Variants in KCNMA1 observed in about 807,000 individuals in gnomAD.
KCNMA1 encodes Calcium-activated potassium channel subunit alpha-1.
Under a neutral mutation model 140.0 loss-of-function variants are expected in KCNMA1, and 29 were observed. The ratio of observed to expected loss-of-function variants is 0.21; its 90% CI spans 0.15 to 0.28. The LOEUF (loss-of-function observed/expected upper bound fraction) is 0.28. Ranked by LOEUF, KCNMA1 falls within the 10% of genes least tolerant of loss-of-function variation. The pLI is 1.00. For synonymous variants in KCNMA1, 612 were observed against 611.9 expected, an observed-to-expected ratio of 1.00 and a Z score of 0.00; for missense variants, 880 against 1,602.2, an observed-to-expected ratio of 0.55 and a Z score of 7.70.
At position 77,086,847 on chromosome 10, in the gene KCNMA1, T is replaced by C. The variant is rs12354965; in HGVS notation, c.1335-254A>G. On this transcript the variant is annotated intron_variant, in intron 10 of 27. Transcript: ENST00000286628. ...AGGAAGGCCAAGACCTCAGGACAAA[T>C]GTCTTCTCTTCGGTATGAATGGAAT... is the stretch of plus-strand genomic sequence containing the variant. Among the ~76,000 whole-genome samples the C allele has an allele frequency of 0.13, 19,783 of 152,192 alleles. 1,472 individuals are homozygous for C. The highest frequency in any genetic ancestry group is 0.17 in the Middle Eastern group (50 of 294).
At chr10:77,500,254 T>A (rs1189711139) in intron 1 of KCNMA1, among the ~76,000 whole-genome samples, 1 of 150,536 alleles carries the variant, frequency 6.6e-6, no homozygotes, top group Non-Finnish European at 1.5e-5. Context: ...CTATATGCAA[T>A]AATATATAAT....
intron 1 of KCNMA1, among the ~76,000 whole-genome samples, chr10:77,483,657 C>A (rs1323532952): frequency 1.3e-5 from 2 of 152,172 alleles, no homozygotes; most frequent in Non-Finnish European, 2.9e-5. Context: ...GGGTGTATGG[C>A]CACGGGACAC....
At chr10:77,572,569 C>CTATATATATAT (rs2071879711) in intron 1 of KCNMA1, among the ~76,000 whole-genome samples, 4 of 37,568 alleles carry the variant, frequency 1.1e-4, no homozygotes, top group African/African-American at 4.3e-4. Context: ...AAAAAAAATC[C>CTATATATATAT]ATATATATAT....
chr10:77,044,407 A>T (rs2094918938), intron 14 of KCNMA1, among the ~76,000 whole-genome samples: 1 of 152,114 alleles, frequency 6.6e-6, no homozygotes, highest in Non-Finnish European at 1.5e-5. Flanking sequence ...GTATCCCAGC[A>T]CTTTGGAAGC....
At chr10:77,567,409 A>T (rs533383399) in intron 1 of KCNMA1, among the ~76,000 whole-genome samples, 2 of 152,244 alleles carry the variant, frequency 1.3e-5, no homozygotes. Flanking sequence ...AGCCTCCTCC[A>T]TGGGCTTCCA....
chr10:77,584,710 C>T (rs532516698), intron 1 of KCNMA1, among the ~76,000 whole-genome samples: 2 of 152,312 alleles, frequency 1.3e-5, no homozygotes, highest in Non-Finnish European at 1.5e-5. Flanking sequence ...CCAGCCCATA[C>T]GCCATTCAGT....
intron 1 of KCNMA1, among the ~76,000 whole-genome samples, chr10:77,463,419 G>A (rs2097915520): frequency 6.6e-6 from 1 of 152,076 alleles, no homozygotes; most frequent in African/African-American, 2.4e-5. Flanking sequence ...ACAGCATCAA[G>A]GAGAAAGGAC....
intron 19 of KCNMA1, among the ~76,000 whole-genome samples, chr10:76,985,708 G>C (rs2081080213): frequency 1.3e-5 from 2 of 152,202 alleles, no homozygotes; most frequent in Admixed American, 1.3e-4. Flanking sequence ...AATGTGATAG[G>C]TGACTCTGAT....
chr10:77,188,261 T>C (rs1486122794), intron 3 of KCNMA1, among the ~76,000 whole-genome samples: 5 of 151,892 alleles, frequency 3.3e-5, no homozygotes, highest in Admixed American at 2.6e-4. Context: ...AGGATTTACA[T>C]GGGCATATGT....
At chr10:77,190,215 GA>G (rs1350309616) in intron 3 of KCNMA1, among the ~76,000 whole-genome samples, 1 of 151,876 alleles carries the variant, frequency 6.6e-6, no homozygotes, top group Non-Finnish European at 1.5e-5. Context: ...CTACTGGGAG[GA>G]AAAAAATTCT....
chr10:77,204,707 T>A (rs1392461709), intron 3 of KCNMA1, among the ~76,000 whole-genome samples: 1 of 152,186 alleles, frequency 6.6e-6, no homozygotes, highest in African/African-American at 2.4e-5. Context: ...CCTAGAATCA[T>A]GTAGACTCTG....
At chr10:77,558,008 A>G (rs1396763743) in intron 1 of KCNMA1, among the ~76,000 whole-genome samples, 3 of 152,236 alleles carry the variant, frequency 2.0e-5, no homozygotes, top group African/African-American at 7.2e-5. Flanking sequence ...ACATATTCTA[A>G]GAAATGCTAC....
At chr10:77,620,034 C>G (rs1205432057) in intron 1 of KCNMA1, among the ~76,000 whole-genome samples, 1 of 152,196 alleles carries the variant, frequency 6.6e-6, no homozygotes, top group African/African-American at 2.4e-5. Context: ...GTTGATCAGA[C>G]CTGGGCACTC....
intron 18 of KCNMA1, among the ~76,000 whole-genome samples, chr10:77,002,384 T>G (rs2086765710): frequency 6.6e-6 from 1 of 152,226 alleles, no homozygotes; most frequent in Non-Finnish European, 1.5e-5. Context: ...TGCTTAAAGC[T>G]GAGAGGATCT....
chr10:77,122,736 A>G (rs1398551959), intron 5 of KCNMA1, among the ~76,000 whole-genome samples: 1 of 152,262 alleles, frequency 6.6e-6, no homozygotes, highest in East Asian at 1.9e-4. Context: ...ACTAAAAGGT[A>G]AAATGAAGGA....
At chr10:76,896,893 T>C (rs143836598) in intron 25 of KCNMA1, among the ~76,000 whole-genome samples, 276 of 152,150 alleles carry the variant, frequency 1.8e-3, no homozygotes, top group Non-Finnish European at 3.4e-3. Flanking sequence ...ACACTTTAAA[T>C]GGATGAGTTG....
intron 15 of KCNMA1, chr10:77,039,242 T>A (rs1290638575): frequency 4.0e-6 from 2 of 504,336 alleles, no homozygotes; most frequent in African/African-American, 1.9e-5. Flanking sequence ...TGTGTCTACA[T>A]CACAGAAGGC....
At chr10:77,328,012 G>A (rs1566005082) in intron 2 of KCNMA1, among the ~76,000 whole-genome samples, 1 of 152,140 alleles carries the variant, frequency 6.6e-6, no homozygotes, top group Admixed American at 6.5e-5. Flanking sequence ...GACCTTGTGG[G>A]AGTGCACACA....
rs1185103218 is a variant in KCNMA1 at position 76,977,695 on chromosome 10, A to C, written c.2267-7628T>G. On this transcript the variant is annotated intron_variant, in intron 19 of 27. Transcript: ENST00000286628. ...CCCGTGGAGCCCACCTGAAGTGCAC[A>C]GATCTGGGGACATTGGGAGGAACAG... The C allele has an allele frequency of 2.0e-5, 14 of 701,080 alleles. No individual in the cohort carries two copies. In the Admixed American group the frequency reaches 2.8e-4, roughly 14 times the overall value. 43.4% of individuals were successfully genotyped at this position (701,080 alleles called of 1,614,324 possible).
Sources: allele counts gnomAD v4.1 joint callset (sites outside exome capture counted in the v4.1 genomes callset), GRCh38; gene constraint gnomAD v4.1.1; transcripts MANE v1.5; gene names NCBI Gene and HGNC (gene_info 2026-07-23, HGNC 2026-07-21).